TTC21B: variants seen among roughly 807,000 people sequenced by gnomAD.
The protein encoded by TTC21B is tetratricopeptide repeat domain 21B.
In TTC21B, 127 loss-of-function variants were observed where a neutral mutation model predicts 175.1. That is an observed-to-expected ratio of 0.73 (90% CI 0.63 to 0.84). The LOEUF (loss-of-function observed/expected upper bound fraction) is 0.84, where lower values mean the gene tolerates loss of function less well. Among genes scored for constraint, TTC21B ranks in the 40% least tolerant of loss-of-function variants. The pLI, the probability that TTC21B is intolerant of heterozygous loss-of-function variation, is 0.00. For synonymous variants in TTC21B, 524 were observed against 524.5 expected (o/e 1.00, Z 0.01); for missense variants, 1,561 against 1,558.3 (o/e 1.00, Z -0.03).
chr2:165,889,182 A>G (rs551256489), intron 24 of TTC21B, among the ~76,000 whole-genome samples: 1 of 152,314 alleles, frequency 6.6e-6, no homozygotes, highest in South Asian at 2.1e-4. Context: ...TCAAAGTCCA[A>G]TCACTAAAGC....
chr2:165,884,218 T>G (rs1171820600), intron 25 of TTC21B, among the ~76,000 whole-genome samples, 200 bp from the exon 26 acceptor site: 2 of 152,208 alleles, frequency 1.3e-5, no homozygotes, highest in Non-Finnish European at 2.9e-5. Flanking sequence ...TCAAGCACTG[T>G]GTGGTCAAGA....
chr2:165,883,016 T>C (rs1270997030), intron 26 of TTC21B, among the ~76,000 whole-genome samples: 3 of 152,158 alleles, frequency 2.0e-5, no homozygotes, highest in African/African-American at 7.2e-5. Flanking sequence ...GAAAGTATCT[T>C]AATAGTACTA....
At chr2:165,889,998 C>T (rs936213927) in intron 24 of TTC21B, among the ~76,000 whole-genome samples, 6 of 152,130 alleles carry the variant, frequency 3.9e-5, no homozygotes, top group African/African-American at 1.4e-4. Context: ...AGTCAGGACT[C>T]AGTCTAAATC....
rs1311421497 is a variant in TTC21B at position 165,888,384 on chromosome 2, A to C, written c.3354T>G (p.Gly1118=). ...LKELKPQTVQ[G]HVQLRIMENY... ...TTTCCATTATGCGAAGCTGTACGTGACCCTGAACAGTCTGAGGTTTTAGTT... is the reference window on the plus strand; with the variant it reads ...TTTCCATTATGCGAAGCTGTACGTGCCCCTGAACAGTCTGAGGTTTTAGTT... Residue 1118 remains glycine (G), a synonymous_variant, in exon 25 of 29, where the codon GGT becomes GGG. Coordinates refer to ENST00000243344, the MANE Select transcript of TTC21B (RefSeq NM_024753.5). 6.2e-7 allele frequency: 1 copy of C among 1,613,838 alleles called. No individual in the cohort carries two copies. The highest frequency in any genetic ancestry group is 1.1e-5 in the South Asian group (1 of 91,074).
chr2:165,905,203 C>A (rs193249520), intron 19 of TTC21B, among the ~76,000 whole-genome samples: 2 of 151,402 alleles, frequency 1.3e-5, no homozygotes, highest in East Asian at 1.9e-4. Context: ...GTAGCTAACA[C>A]CGAAAAATAA....
At chr2:165,944,751 G>A (rs1168730662) in intron 4 of TTC21B, among the ~76,000 whole-genome samples, 5 of 152,154 alleles carry the variant, frequency 3.3e-5, no homozygotes, top group Middle Eastern at 3.4e-3. Flanking sequence ...CGTTATCAAC[G>A]TATCCTGTAT....
At chr2:165,904,714 C>T (rs541192200) in intron 19 of TTC21B, among the ~76,000 whole-genome samples, 33 of 152,182 alleles carry the variant, frequency 2.2e-4, no homozygotes, top group Non-Finnish European at 4.0e-4. Flanking sequence ...AAACTGTTTG[C>T]TTACCTCACA....
chr2:165,898,811 T>C (rs780033472), intron 21 of TTC21B, 44 bp from the exon 22 acceptor site: 2 of 1,168,588 alleles, frequency 1.7e-6, no homozygotes, highest in African/African-American at 1.5e-5. Flanking sequence ...CCATGTATTT[T>C]ACACAACATG....
chr2:165,899,023 T>C (rs1685464859), intron 21 of TTC21B, among the ~76,000 whole-genome samples: 1 of 152,212 alleles, frequency 6.6e-6, no homozygotes, highest in African/African-American at 2.4e-5. Flanking sequence ...AATATGTTTC[T>C]AGCAATTGTT....
intron 22 of TTC21B, among the ~76,000 whole-genome samples, chr2:165,891,198 G>A (rs1352211808): frequency 6.6e-6 from 1 of 152,010 alleles, no homozygotes; most frequent in African/African-American, 2.4e-5. Context: ...GCTGGTCACA[G>A]TGTCTACATA....
At chr2:165,887,863 C>A (rs1322749611) in intron 25 of TTC21B, among the ~76,000 whole-genome samples, 1 of 152,140 alleles carries the variant, frequency 6.6e-6, no homozygotes, top group African/African-American at 2.4e-5. Context: ...GTATTGATCT[C>A]ATGTAGCTAT....
intron 12 of TTC21B, among the ~76,000 whole-genome samples, chr2:165,920,850 C>A (rs1686377946): frequency 7.6e-6 from 1 of 132,338 alleles, no homozygotes; most frequent in Admixed American, 7.7e-5. Flanking sequence ...GGAAAATAGA[C>A]CCTGTCACCA....
intron 19 of TTC21B, 143 bp downstream of exon 19, chr2:165,907,535 T>C (rs1559051465): frequency 1.5e-6 from 1 of 665,388 alleles, no homozygotes; most frequent in African/African-American, 1.8e-5. Context: ...GTATAATTCA[T>C]AAGCATTCAA....
chr2:165,900,259 A>G (rs1466406675), intron 20 of TTC21B, among the ~76,000 whole-genome samples: 1 of 152,176 alleles, frequency 6.6e-6, no homozygotes, highest in East Asian at 1.9e-4. Context: ...GATAATCTCT[A>G]AGGTATGCCT....
At chr2:165,935,085 C>T (rs1485226019) in intron 6 of TTC21B, among the ~76,000 whole-genome samples, 2 of 152,074 alleles carry the variant, frequency 1.3e-5, no homozygotes, top group Non-Finnish European at 1.5e-5. Flanking sequence ...CCCTTTCTGC[C>T]AAGTGTTATG....
chr2:165,900,826 T>C (rs970654982), intron 20 of TTC21B, among the ~76,000 whole-genome samples: 2 of 152,052 alleles, frequency 1.3e-5, no homozygotes, highest in African/African-American at 4.8e-5. Flanking sequence ...AACATAAATA[T>C]TAAAACAATT....
Position 165,873,818 on chromosome 2 carries a change from G to C in TTC21B, c.*937C>G, listed in dbSNP as rs1185702786. ...ACACACTCTACCCTTTTCTAAAAAA[G>C]ATTTTTCAATGAAAGTTACATTTTC... is the stretch of plus-strand genomic sequence containing the variant. On this transcript the variant is annotated 3_prime_UTR_variant, in exon 29 of 29. Transcript: ENST00000243344. The C allele has an allele frequency of 1.3e-5, 2 of 152,016 alleles. No homozygotes were observed. Among genetic ancestry groups the C allele is most frequent in the Non-Finnish European group, 2.9e-5 (2 of 67,994 alleles). The allele number at this position is 152,016 out of a possible 1,614,324, so 9.4% of individuals were successfully genotyped here.
rs1310415313 is a variant in TTC21B at position 165,896,021 on chromosome 2, AC to A, written c.2950+2664del. On this transcript the variant is annotated intron_variant, in intron 22 of 28. Transcript: ENST00000243344. ...ACAAACTGATGTTCTCTAAATTCAAACATCTTTTTATTAAAAGCGTTACTAG... is the reference window on the plus strand; with the variant it reads ...ACAAACTGATGTTCTCTAAATTCAAAATCTTTTTATTAAAAGCGTTACTAG... 2.6e-5 allele frequency among the ~76,000 whole-genome samples: 4 copies of A among 152,280 alleles called. No homozygotes were observed. The East Asian group carries it at 7.7e-4, about 29-fold the overall frequency.
intron 11 of TTC21B, among the ~76,000 whole-genome samples, chr2:165,926,708 T>G (rs1160056007): frequency 2.0e-5 from 3 of 151,874 alleles, no homozygotes; most frequent in Admixed American, 6.6e-5. Flanking sequence ...ACCCTTAATT[T>G]GGGTGGGCAC....
Sources: allele counts gnomAD v4.1 joint callset (sites outside exome capture counted in the v4.1 genomes callset), GRCh38; gene constraint gnomAD v4.1.1; transcripts MANE v1.5; gene names NCBI Gene and HGNC (gene_info 2026-07-23, HGNC 2026-07-21).